Variants in ASXL1 observed in about 807,000 individuals in gnomAD.
ASXL1 encodes the protein ASXL transcriptional regulator 1, also known as polycomb group protein ASXL1.
In ASXL1, 65 loss-of-function variants were observed where a neutral mutation model predicts 89.1. The observed-to-expected ratio is 0.73, with a 90% CI of 0.60 to 0.90. The LOEUF (loss-of-function observed/expected upper bound fraction) is 0.90, where lower values mean the gene tolerates loss of function less well. ASXL1 is among the 40% of genes least tolerant of loss of function. The pLI, the probability that ASXL1 is intolerant of heterozygous loss-of-function variation, is 0.00. For synonymous variants in ASXL1, 739 were observed against 746.9 expected, an observed-to-expected ratio of 0.99 and a Z score of 0.17; for missense variants, 1,786 against 1,942.9, an observed-to-expected ratio of 0.92 and a Z score of 1.52.
At chr20:32,421,289 A>C (rs1025325184) in intron 4 of ASXL1, among the ~76,000 whole-genome samples, 1 of 151,886 alleles carries the variant, frequency 6.6e-6, no homozygotes, top group Non-Finnish European at 1.5e-5. Context: ...TTTAGACATT[A>C]GGCAAATTAA....
chr20:32,377,777 TGCG>T (rs2048410717), intron 4 of ASXL1, among the ~76,000 whole-genome samples: 1 of 150,408 alleles, frequency 6.6e-6, no homozygotes, highest in Non-Finnish European at 1.5e-5. Context: ...CTCAGCCTCC[TGCG>T]TAGCTGGGAT....
At chr20:32,372,037 C>A in intron 4 of ASXL1, 1 of 1,192,490 alleles carries the variant, frequency 8.4e-7, no homozygotes, top group Non-Finnish European at 1.1e-6. Context: ...TTACTTTTTT[C>A]TATGAGTACC....
Position 32,358,846 on chromosome 20 carries a change from C to A in ASXL1, c.57+14C>A. 1.3e-6 allele frequency: 2 copies of A among 1,504,204 alleles called. No homozygotes were observed. Among genetic ancestry groups the A allele is most frequent in the Non-Finnish European group, 1.8e-6 (2 of 1,125,512 alleles). The allele number at this position is 1,504,204 out of a possible 1,614,324, so 93.2% of individuals were successfully genotyped here. A position where few individuals can be genotyped will look rare whatever the true frequency, so the allele number is the denominator to read the frequency against. ...GCCGCGCGCCTGGTGAGGCGGACAGCCGAGGGGGGCTCCGTGGGGCCCGGG... is the reference window on the plus strand; with the variant it reads ...GCCGCGCGCCTGGTGAGGCGGACAGACGAGGGGGGCTCCGTGGGGCCCGGG... On this transcript the variant is annotated intron_variant, in intron 1 of 12. Transcript: ENST00000375687.
intron 12 of ASXL1, chr20:32,434,168 A>G (rs1056523034): frequency 1.4e-5 from 10 of 705,776 alleles, no homozygotes; most frequent in Non-Finnish European, 2.1e-5. Flanking sequence ...TTTTTAAGAT[A>G]GCATTAGATT....
At chr20:32,390,887 A>T (rs6141301) in intron 4 of ASXL1, among the ~76,000 whole-genome samples, 4,030 of 151,612 alleles carry the variant, frequency 0.027, 164 homozygotes, top group East Asian at 0.23. Flanking sequence ...TTAGCAATTT[A>T]TTTCTTTTTT....
At chr20:32,386,425 C>T (rs1307808104) in intron 4 of ASXL1, among the ~76,000 whole-genome samples, 6 of 141,558 alleles carry the variant, frequency 4.2e-5, no homozygotes, top group African/African-American at 1.7e-4. Flanking sequence ...TTTGGGGTTA[C>T]TTTTTTTTTT....
At chr20:32,422,954 T>G (rs2011181838) in intron 4 of ASXL1, among the ~76,000 whole-genome samples, 2 of 152,162 alleles carry the variant, frequency 1.3e-5, no homozygotes, top group African/African-American at 4.8e-5. Flanking sequence ...AGCTTCATGA[T>G]GAAAATTATT....
Position 32,433,512 on chromosome 20 carries a change from T to G in ASXL1, c.1314T>G (p.Asp438Glu), listed in dbSNP as rs1160704020. 6.2e-7 allele frequency: 1 copy of G among 1,614,204 alleles called. No homozygotes were observed. The highest frequency in any genetic ancestry group is 8.5e-7 in the Non-Finnish European group (1 of 1,180,034). Residue 438 changes from aspartate to glutamate, a missense_variant, in exon 12 of 13, where the codon GAT becomes GAG. By Grantham distance (45) the Asp-to-Glu change is conservative. Coordinates refer to ENST00000375687, the MANE Select transcript of ASXL1 (RefSeq NM_015338.6). ...CAGAACAAGCAGGGGTTGCTAAGGA[T>G]GCAAAATCTGTGGCCTCAGATGTTC... ...QESEQAGVAK[D>E]AKSVASDVPL...
chr20:32,377,613 T>G (rs1241679633), intron 4 of ASXL1, among the ~76,000 whole-genome samples: 2 of 152,174 alleles, frequency 1.3e-5, no homozygotes, highest in Non-Finnish European at 2.9e-5. Flanking sequence ...AGAATTCATT[T>G]GTGTTTCATA....
At chr20:32,422,779 G>A (rs2011177894) in intron 4 of ASXL1, among the ~76,000 whole-genome samples, 1 of 151,432 alleles carries the variant, frequency 6.6e-6, no homozygotes, top group South Asian at 2.1e-4. Context: ...TAGAGACGGG[G>A]TTTCACCATG....
chr20:32,421,002 A>C (rs2049235146), intron 4 of ASXL1, among the ~76,000 whole-genome samples: 1 of 151,546 alleles, frequency 6.6e-6, no homozygotes, highest in Non-Finnish European at 1.5e-5. Flanking sequence ...TCTCACTCAT[A>C]AATGGGAGTG....
intron 1 of ASXL1, among the ~76,000 whole-genome samples, chr20:32,361,482 A>G (rs2048109268): frequency 6.6e-6 from 1 of 151,836 alleles, no homozygotes; most frequent in Admixed American, 6.6e-5. Context: ...TACTAAAAAT[A>G]CAAAAATTAG....
intron 4 of ASXL1, among the ~76,000 whole-genome samples, chr20:32,425,942 T>C (rs557853995): frequency 6.6e-6 from 1 of 152,240 alleles, no homozygotes; most frequent in Non-Finnish European, 1.5e-5. Flanking sequence ...TGACCTCAAG[T>C]GATCCATCCG....
chr20:32,361,891 C>A (rs1423543209), intron 1 of ASXL1, among the ~76,000 whole-genome samples: 1 of 151,864 alleles, frequency 6.6e-6, no homozygotes, highest in Non-Finnish European at 1.5e-5. Context: ...CATGGTGAAA[C>A]CCCGTCTCTA....
At chr20:32,386,046 T>C (rs2048573659) in intron 4 of ASXL1, among the ~76,000 whole-genome samples, 2 of 152,220 alleles carry the variant, frequency 1.3e-5, no homozygotes, top group South Asian at 2.1e-4. Flanking sequence ...GATTTTCCTG[T>C]GTCCAAACCT....
At chr20:32,369,570 A>T (rs951421268) in intron 4 of ASXL1, among the ~76,000 whole-genome samples, 5 of 151,414 alleles carry the variant, frequency 3.3e-5, no homozygotes, top group African/African-American at 1.2e-4. Flanking sequence ...TTGGTTCTAA[A>T]TGGCACTTTG....
chr20:32,423,857 G>A (rs2011203758), intron 4 of ASXL1, among the ~76,000 whole-genome samples: 1 of 152,142 alleles, frequency 6.6e-6, no homozygotes, highest in African/African-American at 2.4e-5. Context: ...CCAAGCCCAG[G>A]ACTTTGAGAC....
At chr20:32,411,215 C>CTTTTTTTTTTTTTTTTT (rs71187118) in intron 4 of ASXL1, among the ~76,000 whole-genome samples, 1 of 53,394 alleles carries the variant, frequency 1.9e-5, no homozygotes, top group Non-Finnish European at 3.2e-5. Context: ...TTTATGGATT[C>CTTTTTTTTTTTTTTTTT]TTTTTTTTTT....
chr20:32,362,071 AAAC>A (rs745668952), intron 1 of ASXL1, among the ~76,000 whole-genome samples: 42 of 152,172 alleles, frequency 2.8e-4, no homozygotes, highest in Admixed American at 1.0e-3. Context: ...CTCAAAAACA[AAAC>A]AAAAGAAAAA....
Sources: gnomAD v4.1 joint callset for allele counts (sites outside exome capture counted in the v4.1 genomes callset) on GRCh38, gnomAD v4.1.1 for gene constraint, MANE v1.5 for transcripts, NCBI Gene and HGNC (gene_info 2026-07-23, HGNC 2026-07-21) for gene names.